The following RUSC2 variants were observed in gnomAD, a reference collection of about 807,000 sequenced individuals.
RUSC2 encodes the protein AP-4 complex accessory subunit RUSC2.
A neutral mutation model predicts 122.2 loss-of-function variants in RUSC2; 34 were observed. That is an observed-to-expected ratio of 0.28 (90% CI 0.21 to 0.37). The LOEUF is 0.37. Among genes scored for constraint, RUSC2 ranks in the 10% least tolerant of loss-of-function variants. RUSC2 has a pLI of 1.00. For missense variants in RUSC2, 1,747 were observed against 1,952.4 expected (o/e 0.89, Z 1.98); for synonymous variants, 784 against 790.0 (o/e 0.99, Z 0.13).
In RUSC2 at chr9:35,560,258, G is replaced by A; in HGVS notation, c.3618G>A (p.Leu1206=). 1 of 1,593,460 alleles carries A rather than the reference G, an allele frequency of 6.3e-7. No homozygotes were observed. Among genetic ancestry groups the A allele is most frequent in the Non-Finnish European group, 8.5e-7 (1 of 1,170,292 alleles). The change falls in exon 10 of 12, where the codon CTG becomes CTA. Residue 1206 remains leucine, a synonymous_variant. Coordinates refer to ENST00000361226, the MANE Select transcript of RUSC2 (RefSeq NM_014806.5). ...TGCTGCTGTCTGCCCACTCCACGCT[G>A]CAGCTGGCCCGGGCCCGGGGCCAGG... ...QDLLLSAHST[L]QLARARGQEG...
intron 1 of RUSC2, among the ~76,000 whole-genome samples, chr9:35,536,768 C>T (rs554438230): frequency 2.1e-5 from 3 of 145,592 alleles, no homozygotes; most frequent in East Asian, 4.1e-4. Flanking sequence ...GAGCCAAGAT[C>T]GCGCCACTGC....
At chr9:35,497,331 G>A (rs575162984) in intron 1 of RUSC2, among the ~76,000 whole-genome samples, 245 of 152,256 alleles carry the variant, frequency 1.6e-3, no homozygotes, top group Middle Eastern at 3.4e-3. Context: ...TTACTGATAT[G>A]ACCCCATTTG....
At chr9:35,509,115 T>G (rs1044963715) in intron 1 of RUSC2, among the ~76,000 whole-genome samples, 3 of 152,136 alleles carry the variant, frequency 2.0e-5, no homozygotes, top group African/African-American at 7.2e-5. Context: ...TTTGGGAGGC[T>G]AAGGCCGGAT....
chr9:35,538,389 T>G (rs1307877610), intron 1 of RUSC2, among the ~76,000 whole-genome samples: 1 of 152,032 alleles, frequency 6.6e-6, no homozygotes, highest in East Asian at 1.9e-4. Flanking sequence ...CAGGACTGAG[T>G]TCGAGTTACT....
At chr9:35,551,689 A>G (rs975655380) in intron 2 of RUSC2, among the ~76,000 whole-genome samples, 1 of 152,250 alleles carries the variant, frequency 6.6e-6, no homozygotes, top group Non-Finnish European at 1.5e-5. Context: ...TAAATCAAAA[A>G]TGAATGACAA....
At chr9:35,523,479 A>T (rs1821254769) in intron 1 of RUSC2, among the ~76,000 whole-genome samples, 1 of 152,178 alleles carries the variant, frequency 6.6e-6, no homozygotes, top group Non-Finnish European at 1.5e-5. Context: ...GTTAGCTTTT[A>T]AAAATTCATA....
intron 1 of RUSC2, among the ~76,000 whole-genome samples, chr9:35,527,035 T>G (rs1321582501): frequency 6.6e-6 from 1 of 152,190 alleles, no homozygotes; most frequent in Non-Finnish European, 1.5e-5. Context: ...TGTTCCTTTG[T>G]TTTTTTGTGC....
intron 1 of RUSC2, among the ~76,000 whole-genome samples, chr9:35,530,766 A>G (rs1821404264): frequency 6.6e-6 from 1 of 151,850 alleles, no homozygotes; most frequent in Non-Finnish European, 1.5e-5. Flanking sequence ...CAGCCTCCCA[A>G]GCAGCTGGGA....
At chr9:35,524,776 C>G (rs1821289336) in intron 1 of RUSC2, among the ~76,000 whole-genome samples, 5 of 151,996 alleles carry the variant, frequency 3.3e-5, no homozygotes, top group Admixed American at 3.3e-4. Flanking sequence ...TCGAGACCAT[C>G]CTGGGTAACA....
At chr9:35,550,572 G>A (rs1195979374) in intron 2 of RUSC2, among the ~76,000 whole-genome samples, 5 of 152,024 alleles carry the variant, frequency 3.3e-5, no homozygotes, top group Admixed American at 1.3e-4. Context: ...GTTGCAGTGA[G>A]CCTAGATCAT....
intron 1 of RUSC2, among the ~76,000 whole-genome samples, chr9:35,526,149 G>A (rs984138716): frequency 1.3e-5 from 2 of 152,076 alleles, no homozygotes; most frequent in Non-Finnish European, 2.9e-5. Flanking sequence ...TCCCCATAAA[G>A]TAGCCTGGTC....
chr9:35,556,314 C>A lies in RUSC2; in HGVS notation c.2849C>A (p.Ala950Glu), dbSNP rs1402835595. Residue 950 changes from alanine (A) to glutamate (E), a missense_variant, in exon 5 of 12, where the codon GCA (alanine) becomes GAA (glutamate). Physicochemically the swap from Ala to Glu is moderately radical, Grantham distance 107. Coordinates refer to ENST00000361226, the MANE Select transcript of RUSC2 (RefSeq NM_014806.5). ...ATTTTTCTCTTCTTTCCAGGCCAAG[C>A]AGTGAAGCCGTTACCACTGACCTGC... Reference protein sequence around the residue: ...SHLNCRLNGQAVKPLPLTCPD... With the variant: ...SHLNCRLNGQEVKPLPLTCPD... 2 of 1,613,872 alleles carry A rather than the reference C, an allele frequency of 1.2e-6. No individual in the cohort carries two copies. Among genetic ancestry groups the A allele is most frequent in the Non-Finnish European group, 1.7e-6 (2 of 1,179,978 alleles).
chr9:35,518,174 GA>G (rs1821145125), intron 1 of RUSC2, among the ~76,000 whole-genome samples: 1 of 152,162 alleles, frequency 6.6e-6, no homozygotes, highest in Admixed American at 6.5e-5. Context: ...GAATGACAGG[GA>G]AAAAATGTAT....
At chr9:35,491,644 C>T (rs896796948) in intron 1 of RUSC2, among the ~76,000 whole-genome samples, 2 of 152,160 alleles carry the variant, frequency 1.3e-5, no homozygotes, top group African/African-American at 4.8e-5. Context: ...CACCCTCTTA[C>T]ATGTCTTTAT....
chr9:35,560,830 G>A lies in RUSC2; in HGVS notation c.4190G>A (p.Arg1397Gln), dbSNP rs371277403. The change falls in exon 10 of 12, where the codon CGG (arginine) becomes CAG (glutamine). Residue 1397 changes from arginine (R) to glutamine (Q), a missense_variant. Arg to Gln is a conservative substitution (Grantham distance 43). Coordinates refer to ENST00000361226, the MANE Select transcript of RUSC2 (RefSeq NM_014806.5). ...GHLFGSRKAQ[R>Q]EARPTNRLPS... ...CTCTTTGGCTCCCGAAAAGCCCAGC[G>A]GGAGGCCCGGCCCACAAATAGGTGA... 42 of 1,531,342 alleles carry A rather than the reference G, an allele frequency of 2.7e-5. No individual in the cohort carries two copies. Among genetic ancestry groups the A allele is most frequent in the East Asian group, 4.5e-5 (2 of 44,202 alleles). The allele number at this position is 1,531,342 out of a possible 1,614,324, so 94.9% of individuals were successfully genotyped here.
rs911145765 is a variant in RUSC2 at position 35,560,658 on chromosome 9, G to A, written c.4018G>A (p.Gly1340Ser). The A allele has an allele frequency of 7.5e-6, 12 of 1,589,782 alleles. No individual in the cohort carries two copies. The Admixed American group carries it at 1.3e-4, about 17-fold the overall frequency. ...TGAGGAGGCCCTGGGCCGGGAAAGG[G>A]GCTGGCCCTTCTGGATGGGGAGCCC... Reference protein sequence around the residue: ...ASEEALGRERGWPFWMGSPPD... With the variant: ...ASEEALGRERSWPFWMGSPPD... Residue 1340 changes from glycine to serine, a missense_variant, in exon 10 of 12, where the codon GGC becomes AGC. Physicochemically the swap from Gly to Ser is moderately conservative, Grantham distance 56. Coordinates refer to ENST00000361226, the MANE Select transcript of RUSC2 (RefSeq NM_014806.5).
chr9:35,546,826 C>T lies in RUSC2; in HGVS notation c.305C>T (p.Pro102Leu). 6.2e-7 allele frequency: 1 copy of T among 1,611,942 alleles called. No individual in the cohort carries two copies. Among genetic ancestry groups the T allele is most frequent in the Non-Finnish European group, 8.5e-7 (1 of 1,179,046 alleles). ...CCTGGAGCCCCCAAACGACACAACC[C>T]CTTCTTGCTGCAGGAGGGTGTGGGT... ...RGPGAPKRHN[P>L]FLLQEGVGEP... Residue 102 changes from proline (P) to leucine (L), a missense_variant, in exon 2 of 12, where the codon CCC (proline) becomes CTC (leucine). Pro to Leu is a moderately conservative substitution (Grantham distance 98). Transcript: ENST00000361226. The surrounding 1 kb of genome is among the most constrained non-coding windows in gnomAD (Gnocchi z 4.3).
chr9:35,490,260 C>T (rs1820538271), intron 1 of RUSC2, 88 bp downstream of exon 1: 1 of 152,914 alleles, frequency 6.5e-6, no homozygotes, highest in Admixed American at 6.5e-5. Context: ...GCCTGTCTTC[C>T]CACCTATGTG....
rs1173708325 is a variant in RUSC2, at chr9:35,541,871, T to A, written c.-92-4559T>A. 2.0e-5 allele frequency among the ~76,000 whole-genome samples: 3 copies of A among 150,430 alleles called. No individual in the cohort carries two copies. In the East Asian group the frequency reaches 5.8e-4, roughly 29 times the overall value. ...AAGTCATTTCATTTTTCTGGGTGTA[T>A]AATTATTTTAAAATTTTTATATATA... On this transcript the variant is annotated intron_variant, in intron 1 of 11. Coordinates refer to ENST00000361226, the MANE Select transcript of RUSC2 (RefSeq NM_014806.5).
Sources: allele counts gnomAD v4.1 joint callset (sites outside exome capture counted in the v4.1 genomes callset), GRCh38; gene constraint gnomAD v4.1.1; non-coding constraint Gnocchi (gnomAD v3.1); transcripts MANE v1.5; gene names NCBI Gene and HGNC (gene_info 2026-07-23, HGNC 2026-07-21).